PITPNM3: variants seen among roughly 807,000 people sequenced by gnomAD.
PITPNM3 encodes membrane-associated phosphatidylinositol transfer protein 3.
A neutral mutation model predicts 102.0 loss-of-function variants in PITPNM3; 26 were observed. The observed-to-expected ratio is 0.25, with a 90% CI of 0.19 to 0.35. The LOEUF is 0.35. Ranked by LOEUF, PITPNM3 falls within the 10% of genes least tolerant of loss-of-function variation. PITPNM3 has a pLI of 1.00. For synonymous variants in PITPNM3, 578 were observed against 558.6 expected (o/e 1.03, Z -0.49); for missense variants, 1,083 against 1,346.1 (o/e 0.80, Z 3.06).
rs898177178 is a variant in PITPNM3 at position 6,471,344 on chromosome 17, G to A, written c.1441C>T (p.His481Tyr). The change falls in exon 12 of 20, where the codon CAC (histidine) becomes TAC (tyrosine). Residue 481 changes from histidine to tyrosine, a missense_variant. By Grantham distance (83) the His-to-Tyr change is moderately conservative (BLOSUM62 2). This residue lies in a region of PITPNM3 where 410 missense variants were observed against 638.4 expected (regional missense o/e 0.64). Coordinates refer to ENST00000262483, the MANE Select transcript of PITPNM3 (RefSeq NM_031220.4). ...TCCAGGAAGAGGGGGCTGTGGGTGTGTAGGGCATCAGCTGGAGGGGGAATT... is the reference window on the plus strand; with the variant it reads ...TCCAGGAAGAGGGGGCTGTGGGTGTATAGGGCATCAGCTGGAGGGGGAATT... ...GQSLLLADAL[H>Y]THSPLFLEGS... 6.3e-7 allele frequency: 1 copy of A among 1,597,500 alleles called. No individual in the cohort carries two copies. Among genetic ancestry groups the A allele is most frequent in the Non-Finnish European group, 8.5e-7 (1 of 1,173,466 alleles).
intron 1 of PITPNM3, among the ~76,000 whole-genome samples, chr17:6,541,050 G>A (rs1909705935): frequency 2.0e-5 from 3 of 152,208 alleles, no homozygotes; most frequent in Admixed American, 2.0e-4. Context: ...GTGTTGGGGT[G>A]CAGGGAACCT....
At chr17:6,467,406 A>G (rs1266895183) in intron 14 of PITPNM3, among the ~76,000 whole-genome samples, 1 of 152,216 alleles carries the variant, frequency 6.6e-6, no homozygotes, top group African/African-American at 2.4e-5. Context: ...GGTTATGAAA[A>G]AGCTCTAAAA....
chr17:6,501,040 T>A (rs1311359612), intron 4 of PITPNM3, among the ~76,000 whole-genome samples: 1 of 152,206 alleles, frequency 6.6e-6, no homozygotes, highest in African/African-American at 2.4e-5. Context: ...TCTAACTACT[T>A]AAACACACAT....
Position 6,470,326 on chromosome 17 carries a change from G to A in PITPNM3, c.1707C>T (p.Ala569=). ...AACTGGCGTGGAAGAGGTGGGGCAG[G>A]GCCACGGTGGGGAAGGCCGTGAGGA... ...PDVLTAFPTV[A]LPHLFHASYW... Residue 569 remains alanine (A), a synonymous_variant, in exon 13 of 20, where the codon GCC becomes GCT. Coordinates refer to ENST00000262483, the MANE Select transcript of PITPNM3 (RefSeq NM_031220.4). The surrounding 1 kb of genome is among the most constrained non-coding windows in gnomAD (Gnocchi z 4.8). The A allele has an allele frequency of 6.2e-7, 1 of 1,614,112 alleles. No homozygotes were observed. The highest frequency in any genetic ancestry group is 8.5e-7 in the Non-Finnish European group (1 of 1,180,002).
At chr17:6,479,534 G>A (rs1398135580) in intron 6 of PITPNM3, 2 of 152,356 alleles carry the variant, frequency 1.3e-5, no homozygotes, top group East Asian at 3.9e-4. Context: ...ATGCACTGTT[G>A]GACCTGGCTG....
In PITPNM3 at chr17:6,503,398, C is replaced by T. The variant is rs1192381452; in HGVS notation, c.274+129G>A. On this transcript the variant is annotated intron_variant, in intron 4 of 19. Coordinates refer to ENST00000262483, the MANE Select transcript of PITPNM3 (RefSeq NM_031220.4). ...AGTGACCCCAGGCCCTCCGGTACTG[C>T]CTGCAGGCAAGATGGCAGGGATCCT... 3.4e-5 allele frequency: 38 copies of T among 1,102,874 alleles called. No individual in the cohort carries two copies. The East Asian group carries it at 8.9e-4, about 26-fold the overall frequency. 68.3% of individuals were successfully genotyped at this position (1,102,874 alleles called of 1,614,324 possible). A position where few individuals can be genotyped will look rare whatever the true frequency, so the allele number is the denominator to read the frequency against.
rs1904896546 is a variant in PITPNM3 at position 6,468,438 on chromosome 17, C to T, written c.1774-97G>A. The T allele has an allele frequency of 2.4e-6, 3 of 1,260,824 alleles. No homozygotes were observed. The highest frequency in any genetic ancestry group is 3.5e-6 in the Non-Finnish European group (3 of 864,928). 78.1% of individuals were successfully genotyped at this position (1,260,824 alleles called of 1,614,324 possible). A position where few individuals can be genotyped will look rare whatever the true frequency, so the allele number is the denominator to read the frequency against. ...CCACCAGCTTGTGGCCAGCTGGGCC[C>T]TGCCCCTGCAACCCCCCAACCTCAC... On this transcript the variant is annotated intron_variant, in intron 13 of 19. Coordinates refer to ENST00000262483, the MANE Select transcript of PITPNM3 (RefSeq NM_031220.4). The surrounding 1 kb of genome is among the most constrained non-coding windows in gnomAD (Gnocchi z 5.2).
At position 6,451,892 on chromosome 17, in the gene PITPNM3, C is replaced by CCCCAAA. The variant is rs55984944; in HGVS notation, c.*3445_*3446insTTTGGG. The CCCCAAA allele has an allele frequency of 2.1e-5, 2 of 94,446 alleles. No homozygotes were observed. Among genetic ancestry groups the CCCCAAA allele is most frequent in the Non-Finnish European group, 4.3e-5 (2 of 46,070 alleles). The allele number at this position is 94,446 out of a possible 1,614,324, so 5.9% of individuals were successfully genotyped here. ...ACCCAAACCCCCCCCCCCCGCCCGC[C>CCCCAAA]GATGGGATTCGGTGGGAAAGTTGGT... On this transcript the variant is annotated 3_prime_UTR_variant, in exon 20 of 20. Transcript: ENST00000262483.
chr17:6,550,924 A>G (rs1910267987), intron 1 of PITPNM3, among the ~76,000 whole-genome samples: 1 of 152,214 alleles, frequency 6.6e-6, no homozygotes, highest in African/African-American at 2.4e-5. Context: ...GCCAGAACTG[A>G]GCGGCAACAA....
intron 1 of PITPNM3, among the ~76,000 whole-genome samples, chr17:6,545,659 C>T (rs529563714): frequency 5.9e-5 from 9 of 152,364 alleles, no homozygotes; most frequent in East Asian, 1.9e-4. Context: ...ATGCCTGAAA[C>T]GTCTTCTATC....
rs141011449 is a variant in PITPNM3, at chr17:6,490,828, C to T, written c.275-6536G>A. On this transcript the variant is annotated intron_variant, in intron 4 of 19. Coordinates refer to ENST00000262483, the MANE Select transcript of PITPNM3 (RefSeq NM_031220.4). ...AATTAGACAGGCGTGGTGGTGGGCACGTATTTAGCTGTAATCCTAGCTACC... is the reference window on the plus strand; with the variant it reads ...AATTAGACAGGCGTGGTGGTGGGCATGTATTTAGCTGTAATCCTAGCTACC... Among the ~76,000 whole-genome samples, 688 of 149,962 alleles carry T rather than the reference C, an allele frequency of 4.6e-3. 4 individuals carry two copies. The highest frequency in any genetic ancestry group is 0.015 in the African/African-American group (625 of 40,662).
At chr17:6,532,287 T>C (rs1172174240) in intron 2 of PITPNM3, among the ~76,000 whole-genome samples, 1 of 152,112 alleles carries the variant, frequency 6.6e-6, no homozygotes, top group Non-Finnish European at 1.5e-5. Context: ...CATGTCCTTT[T>C]ATGTTATATG....
intron 1 of PITPNM3, among the ~76,000 whole-genome samples, chr17:6,544,936 T>C (rs564001936): frequency 9.9e-5 from 15 of 152,266 alleles, no homozygotes; most frequent in African/African-American, 3.6e-4. Flanking sequence ...TTGGGGTCCC[T>C]GGGGTCCAAA....
chr17:6,487,912 G>A (rs1352952528), intron 4 of PITPNM3, among the ~76,000 whole-genome samples: 2 of 152,156 alleles, frequency 1.3e-5, no homozygotes, highest in Non-Finnish European at 2.9e-5. Context: ...TCCCTAGCAG[G>A]AGGAAAGAGT....
chr17:6,518,460 A>G (rs537326221), intron 3 of PITPNM3, among the ~76,000 whole-genome samples: 1 of 152,278 alleles, frequency 6.6e-6, no homozygotes, highest in East Asian at 1.9e-4. Context: ...GCAAAAAAAA[A>G]AAAAGGTAAC....
chr17:6,461,050 C>A (rs1189720026), intron 18 of PITPNM3: 3 of 415,574 alleles, frequency 7.2e-6, no homozygotes, highest in Non-Finnish European at 1.4e-5. Flanking sequence ...GCAGCCCCAA[C>A]AAGCACAGAG....
At chr17:6,524,478 A>C (rs1360134477) in intron 3 of PITPNM3, among the ~76,000 whole-genome samples, 1 of 152,210 alleles carries the variant, frequency 6.6e-6, no homozygotes, top group Admixed American at 6.5e-5. Flanking sequence ...CCTCAGCTGA[A>C]GATCTCTGAG....
intron 1 of PITPNM3, among the ~76,000 whole-genome samples, chr17:6,542,110 G>A (rs746090366): frequency 7.9e-5 from 12 of 152,316 alleles, no homozygotes; most frequent in Middle Eastern, 6.8e-3. Flanking sequence ...CCTTCTACCT[G>A]TTTCTGGCCA....
intron 4 of PITPNM3, among the ~76,000 whole-genome samples, chr17:6,500,411 C>T (rs1414247620): frequency 6.6e-6 from 1 of 152,140 alleles, no homozygotes; most frequent in African/African-American, 2.4e-5. Flanking sequence ...AACACATTAC[C>T]ATCGATCGTC....
Sources: gnomAD v4.1 joint callset for allele counts (sites outside exome capture counted in the v4.1 genomes callset) on GRCh38, gnomAD v4.1.1 for gene constraint, gnomAD v4.1.1 regional missense constraint, Gnocchi (gnomAD v3.1) non-coding constraint, MANE v1.5 for transcripts, NCBI Gene and HGNC (gene_info 2026-07-23, HGNC 2026-07-21) for gene names.